Variants in NNT observed in about 807,000 individuals in gnomAD.
NNT encodes the protein NAD(P) transhydrogenase, mitochondrial.
NNT carries 50 observed loss-of-function variants against 104.8 expected under a neutral mutation model. That is an observed-to-expected ratio of 0.48 (90% CI 0.38 to 0.60). The LOEUF (loss-of-function observed/expected upper bound fraction) is 0.60. Ranked by LOEUF, NNT falls within the 20% of genes least tolerant of loss-of-function variation. NNT has a pLI of 0.00. For synonymous variants in NNT, 461 were observed against 490.4 expected (o/e 0.94, Z 0.79); for missense variants, 1,131 against 1,330.7 (o/e 0.85, Z 2.33).
chr5:43,614,328 T>C (rs182467484), intron 3 of NNT, among the ~76,000 whole-genome samples: 1 of 152,346 alleles, frequency 6.6e-6, no homozygotes, highest in Non-Finnish European at 1.5e-5. Flanking sequence ...CTTCTTGATC[T>C]TGGGGGCCTC....
At chr5:43,605,522 CAAAAAAAAAAA>C (rs70997416) in intron 1 of NNT, among the ~76,000 whole-genome samples, 15 of 37,762 alleles carry the variant, frequency 4.0e-4, no homozygotes, top group Non-Finnish European at 6.5e-4. Flanking sequence ...GACTCCGTCT[CAAAAAAAAAAA>C]AAAAAAAAAA....
chr5:43,695,321 G>T (rs1031974639), intron 19 of NNT, among the ~76,000 whole-genome samples: 43 of 152,140 alleles, frequency 2.8e-4, no homozygotes, highest in African/African-American at 9.4e-4. Context: ...TGAAGAGTGG[G>T]GAGGCCTGGC....
intron 2 of NNT, among the ~76,000 whole-genome samples, chr5:43,611,369 G>T (rs924852775): frequency 3.9e-5 from 6 of 152,140 alleles, no homozygotes; most frequent in African/African-American, 2.4e-5. Context: ...GTCAGTGGAA[G>T]CCCTTTCAAA....
intron 19 of NNT, among the ~76,000 whole-genome samples, chr5:43,698,896 A>C (rs1308356022): frequency 6.8e-6 from 1 of 146,800 alleles, no homozygotes; most frequent in Non-Finnish European, 1.5e-5. Flanking sequence ...TATATACACT[A>C]CATATATATA....
At chr5:43,625,825 A>G (rs913448882) in intron 6 of NNT, among the ~76,000 whole-genome samples, 2 of 152,184 alleles carry the variant, frequency 1.3e-5, no homozygotes, top group African/African-American at 4.8e-5. Context: ...AAAAAGCACA[A>G]GAACAGAAAA....
chr5:43,643,422 G>T (rs1751339878), intron 7 of NNT, among the ~76,000 whole-genome samples: 1 of 152,170 alleles, frequency 6.6e-6, no homozygotes, highest in Admixed American at 6.6e-5. Flanking sequence ...TTCTTAAAAA[G>T]ACATTGTGAA....
intron 19 of NNT, among the ~76,000 whole-genome samples, chr5:43,699,689 A>G (rs544453528): frequency 4.1e-4 from 63 of 152,284 alleles, no homozygotes; most frequent in Non-Finnish European, 7.6e-4. Flanking sequence ...TTAAAGTTGA[A>G]TGTGAAGTCA....
intron 19 of NNT, among the ~76,000 whole-genome samples, chr5:43,691,414 ATTTTT>A (rs913872040): frequency 2.0e-5 from 3 of 152,052 alleles, no homozygotes; most frequent in African/African-American, 7.2e-5. Flanking sequence ...AGAGTGTGTT[ATTTTT>A]TAAGTTGTTA....
At chr5:43,681,293 AT>A (rs971622670) in intron 19 of NNT, among the ~76,000 whole-genome samples, 5 of 151,406 alleles carry the variant, frequency 3.3e-5, no homozygotes, top group African/African-American at 1.2e-4. Flanking sequence ...AAGGGGTAGA[AT>A]TTTTTTATTA....
At chr5:43,660,059 C>T (rs966979072) in intron 17 of NNT, among the ~76,000 whole-genome samples, 3 of 152,250 alleles carry the variant, frequency 2.0e-5, no homozygotes, top group Non-Finnish European at 2.9e-5. Context: ...GAGACTTTAT[C>T]GTGATCCATC....
chr5:43,673,361 G>A (rs532662913), intron 17 of NNT, among the ~76,000 whole-genome samples: 16 of 152,222 alleles, frequency 1.1e-4, no homozygotes, highest in African/African-American at 3.1e-4. Context: ...GAAATCACCC[G>A]TCTTCTGCGT....
intron 17 of NNT, among the ~76,000 whole-genome samples, chr5:43,671,430 C>G (rs1422224290): frequency 1.3e-5 from 2 of 152,198 alleles, no homozygotes; most frequent in African/African-American, 2.4e-5. Flanking sequence ...ACTGGTTGTT[C>G]CTTTCCATGT....
rs754178639 is a variant in NNT, at chr5:43,655,842, T to C, written c.2062T>C (p.Leu688=). 1 of 1,612,510 alleles carries C rather than the reference T, an allele frequency of 6.2e-7. No homozygotes were observed. The highest frequency in any genetic ancestry group is 8.5e-7 in the Non-Finnish European group (1 of 1,178,514). ...GAMALGGTIG[L]TIAKRIQISD... is the part of the protein sequence containing the mutation. ...TTATTTTTGACCTTTCATAACAGGA[T>C]TGACAATTGCCAAACGCATCCAGAT... Residue 688 remains leucine, a splice_region_variant and synonymous_variant, in exon 15 of 22, where the codon TTG becomes CTG. Coordinates refer to ENST00000344920, the MANE Select transcript of NNT (RefSeq NM_182977.3).
chr5:43,679,846 A>G (rs1741607654), intron 19 of NNT, among the ~76,000 whole-genome samples: 2 of 152,126 alleles, frequency 1.3e-5, no homozygotes, highest in South Asian at 4.1e-4. Context: ...TCATTGCTTC[A>G]CATAATTATT....
intron 1 of NNT, among the ~76,000 whole-genome samples, chr5:43,605,522 CAAAAAAAAAAAAAAAAAAAAA>C (rs70997416): frequency 2.6e-5 from 1 of 37,762 alleles, no homozygotes; most frequent in Non-Finnish European, 4.6e-5. Flanking sequence ...GACTCCGTCT[CAAAAAAAAAAAAAAAAAAAAA>C]AAAAAAAAGT....
intron 19 of NNT, among the ~76,000 whole-genome samples, chr5:43,689,375 G>T (rs1303515059): frequency 6.6e-6 from 1 of 152,140 alleles, no homozygotes; most frequent in South Asian, 2.1e-4. Flanking sequence ...TATTTTTGCT[G>T]TGCAGAAGCT....
At chr5:43,624,705 T>C (rs958952465) in intron 6 of NNT, among the ~76,000 whole-genome samples, 1 of 152,244 alleles carries the variant, frequency 6.6e-6, no homozygotes, top group Non-Finnish European at 1.5e-5. Context: ...TTTTCCTAGA[T>C]TGTCTTTAAA....
At chr5:43,699,335 A>G (rs1233324491) in intron 19 of NNT, among the ~76,000 whole-genome samples, 5 of 147,526 alleles carry the variant, frequency 3.4e-5, no homozygotes, top group South Asian at 2.2e-4. Context: ...TGTGTATGAC[A>G]ACATTTTATC....
chr5:43,657,701 A>G (rs1193201928), intron 16 of NNT, among the ~76,000 whole-genome samples: 1 of 152,214 alleles, frequency 6.6e-6, no homozygotes, highest in African/African-American at 2.4e-5. Flanking sequence ...GTAAATTAAA[A>G]TCTCATCTTT....
Sources: gnomAD v4.1 joint callset for allele counts (sites outside exome capture counted in the v4.1 genomes callset) on GRCh38, gnomAD v4.1.1 for gene constraint, MANE v1.5 for transcripts, NCBI Gene and HGNC (gene_info 2026-07-23, HGNC 2026-07-21) for gene names.